MLLT3: variants seen among roughly 807,000 people sequenced by gnomAD.
The protein encoded by MLLT3 is MLLT3 super elongation complex subunit, also known as protein AF-9.
In MLLT3, 4 loss-of-function variants were observed where a neutral mutation model predicts 53.2. The observed-to-expected ratio is 0.08, with a 90% CI of 0.04 to 0.17. MLLT3 has a LOEUF of 0.17. Ranked by LOEUF, MLLT3 falls within the 10% of genes least tolerant of loss-of-function variation. The pLI is 1.00. For missense variants in MLLT3, 569 were observed against 684.0 expected (o/e 0.83, Z 1.87); for synonymous variants, 283 against 230.6 (o/e 1.23, Z -2.06).
intron 2 of MLLT3, among the ~76,000 whole-genome samples, chr9:20,585,196 G>C (rs1269527863): frequency 6.6e-6 from 1 of 152,144 alleles, no homozygotes; most frequent in Non-Finnish European, 1.5e-5. Context: ...TTTCTGACTT[G>C]TAGATGGCCA....
intron 2 of MLLT3, among the ~76,000 whole-genome samples, chr9:20,529,082 A>G (rs1818267186): frequency 6.6e-6 from 1 of 152,330 alleles, no homozygotes; most frequent in Non-Finnish European, 1.5e-5. Context: ...CTGACTGAAC[A>G]TTAAAATCAT....
intron 4 of MLLT3, among the ~76,000 whole-genome samples, chr9:20,444,348 C>T (rs1823635952): frequency 1.3e-5 from 2 of 152,232 alleles, no homozygotes; most frequent in Non-Finnish European, 2.9e-5. Context: ...ACACTTGGTC[C>T]TTTTGCTTAA....
At chr9:20,591,494 A>G (rs1351788995) in intron 2 of MLLT3, among the ~76,000 whole-genome samples, 2 of 152,222 alleles carry the variant, frequency 1.3e-5, no homozygotes, top group African/African-American at 4.8e-5. Flanking sequence ...TATGTTAAAA[A>G]CCATCTGTGA....
intron 5 of MLLT3, among the ~76,000 whole-genome samples, chr9:20,374,957 TG>T (rs1196013088): frequency 6.6e-6 from 1 of 152,238 alleles, no homozygotes; most frequent in African/African-American, 2.4e-5. Flanking sequence ...TTGATGGAAT[TG>T]GTATCCTTGT....
intron 2 of MLLT3, among the ~76,000 whole-genome samples, chr9:20,500,673 A>C (rs1825200467): frequency 6.6e-6 from 1 of 152,200 alleles, no homozygotes; most frequent in African/African-American, 2.4e-5. Context: ...GCCCAGGCTC[A>C]ATATTTTCCC....
chr9:20,539,147 A>G (rs576518567), intron 2 of MLLT3, among the ~76,000 whole-genome samples: 1 of 152,344 alleles, frequency 6.6e-6, no homozygotes, highest in South Asian at 2.1e-4. Context: ...AGTTTGCTAC[A>G]TGGATTGACT....
At chr9:20,443,700 G>C (rs1166784143) in intron 4 of MLLT3, among the ~76,000 whole-genome samples, 1 of 152,168 alleles carries the variant, frequency 6.6e-6, no homozygotes, top group African/African-American at 2.4e-5. Flanking sequence ...TTAAGTGTCT[G>C]ATATAAAGAT....
chr9:20,493,483 G>A (rs1046282143), intron 2 of MLLT3, among the ~76,000 whole-genome samples: 2 of 151,908 alleles, frequency 1.3e-5, no homozygotes, highest in African/African-American at 4.8e-5. Context: ...TTAAGGAAAG[G>A]TTTCCTATAA....
rs962948480 is a variant in MLLT3, at chr9:20,421,335, T to TA, written c.421-6911dup. Among the ~76,000 whole-genome samples, 8 of 151,766 alleles carry TA rather than the reference T, an allele frequency of 5.3e-5. No individual in the cohort carries two copies. In the South Asian group the frequency reaches 6.2e-4, roughly 12 times the overall value. ...AAAACAATGAAAATAGCACTTCATA[T>TA]AAAAAAAACTCTGGAGGCACAGAAA... is the stretch of plus-strand genomic sequence containing the variant. On this transcript the variant is annotated intron_variant, in intron 4 of 10. Coordinates refer to ENST00000380338, the MANE Select transcript of MLLT3 (RefSeq NM_004529.4).
chr9:20,602,509 A>G (rs1394550805), intron 2 of MLLT3, among the ~76,000 whole-genome samples: 1 of 152,170 alleles, frequency 6.6e-6, no homozygotes, highest in African/African-American at 2.4e-5. Context: ...CTACATTTGT[A>G]TATGGGATAT....
chr9:20,562,442 T>G (rs1434652575), intron 2 of MLLT3, among the ~76,000 whole-genome samples: 1 of 152,158 alleles, frequency 6.6e-6, no homozygotes, highest in Non-Finnish European at 1.5e-5. Context: ...AATTTAAAAT[T>G]TGATCTATGA....
chr9:20,497,743 C>CA (rs1220618827), intron 2 of MLLT3, among the ~76,000 whole-genome samples: 4 of 151,522 alleles, frequency 2.6e-5, no homozygotes, highest in African/African-American at 7.3e-5. Flanking sequence ...GGGCCAATTA[C>CA]AAAAAAAAGT....
In MLLT3 at chr9:20,621,673, G is replaced by C; in HGVS notation, c.12+572C>G. On this transcript the variant is annotated intron_variant, in intron 1 of 10. Transcript: ENST00000380338. The surrounding 1 kb of genome is among the most constrained non-coding windows in gnomAD (Gnocchi z 7.0). ...GCGGACAGCCGCCGAGCCTCGGCTC[G>C]CGCTCAGCACCTCCCGGCGCTGGGG... 1 of 1,215,934 alleles carries C rather than the reference G, an allele frequency of 8.2e-7. No individual in the cohort carries two copies. The highest frequency in any genetic ancestry group is 1.1e-6 in the Non-Finnish European group (1 of 906,832). 75.3% of individuals were successfully genotyped at this position (1,215,934 alleles called of 1,614,324 possible). A position where few individuals can be genotyped will look rare whatever the true frequency, so the allele number is the denominator to read the frequency against.
chr9:20,476,938 T>C (rs984893482), intron 2 of MLLT3, among the ~76,000 whole-genome samples: 6 of 152,168 alleles, frequency 3.9e-5, no homozygotes, highest in African/African-American at 1.4e-4. Flanking sequence ...TTTCCATCTG[T>C]GAATAAAGGC....
intron 4 of MLLT3, among the ~76,000 whole-genome samples, chr9:20,439,775 A>T (rs1380345758): frequency 1.3e-5 from 2 of 152,174 alleles, no homozygotes; most frequent in Non-Finnish European, 2.9e-5. Context: ...GTGGGATCTC[A>T]TCTACATAAA....
chr9:20,346,351 A>G lies in MLLT3; in HGVS notation c.*92T>C. ...GTTGCATCATTTTGAGTGTTTTCAT[A>G]TAAACAACAAGAACAAAAAATCACA... On this transcript the variant is annotated 3_prime_UTR_variant, in exon 11 of 11. Transcript: ENST00000380338. 1.5e-6 allele frequency: 2 copies of G among 1,310,514 alleles called. No homozygotes were observed. The highest frequency in any genetic ancestry group is 2.1e-6 in the Non-Finnish European group (2 of 972,972). 81.2% of individuals were successfully genotyped at this position (1,310,514 alleles called of 1,614,324 possible).
chr9:20,378,707 C>G (rs971800815), intron 5 of MLLT3, among the ~76,000 whole-genome samples: 1 of 152,006 alleles, frequency 6.6e-6, no homozygotes, highest in African/African-American at 2.4e-5. Context: ...TACTTACATT[C>G]ACTTCTATTT....
intron 3 of MLLT3, among the ~76,000 whole-genome samples, chr9:20,455,355 T>C (rs1301205947): frequency 6.6e-6 from 1 of 152,238 alleles, no homozygotes; most frequent in African/African-American, 2.4e-5. Context: ...GAGACTGCTA[T>C]AAGTTAAAAA....
At chr9:20,568,357 G>A (rs1420709242) in intron 2 of MLLT3, among the ~76,000 whole-genome samples, 1 of 152,106 alleles carries the variant, frequency 6.6e-6, no homozygotes. Flanking sequence ...TACAAGGCTG[G>A]GGAGGAAGGA....
Sources: allele counts gnomAD v4.1 joint callset (sites outside exome capture counted in the v4.1 genomes callset), GRCh38; gene constraint gnomAD v4.1.1; non-coding constraint Gnocchi (gnomAD v3.1); transcripts MANE v1.5; gene names NCBI Gene and HGNC (gene_info 2026-07-23, HGNC 2026-07-21).